Variants in EVA1C observed in about 807,000 individuals in gnomAD.
EVA1C encodes protein eva-1 homolog C.
Under a neutral mutation model 45.4 loss-of-function variants are expected in EVA1C, and 25 were observed. The observed-to-expected ratio is 0.55, with a 90% CI of 0.40 to 0.77. EVA1C has a LOEUF of 0.77. Among genes scored for constraint, EVA1C ranks in the 30% least tolerant of loss-of-function variants. EVA1C has a pLI of 0.00. For synonymous variants in EVA1C, 190 were observed against 221.2 expected, an observed-to-expected ratio of 0.86 and a Z score of 1.25; for missense variants, 479 against 554.8, an observed-to-expected ratio of 0.86 and a Z score of 1.37.
At chr21:32,422,235 T>C (rs1030293082) in intron 1 of EVA1C, among the ~76,000 whole-genome samples, 20 of 152,016 alleles carry the variant, frequency 1.3e-4, no homozygotes, top group African/African-American at 4.4e-4. Flanking sequence ...AGATTAGGTA[T>C]AGCTGAAGAG....
intron 1 of EVA1C, among the ~76,000 whole-genome samples, chr21:32,446,620 G>A (rs1426218135): frequency 6.6e-6 from 1 of 152,222 alleles, no homozygotes; most frequent in Non-Finnish European, 1.5e-5. Context: ...TACCGGGAAA[G>A]CAGCATGCCG....
At chr21:32,412,377 G>T (rs1213293103), upstream of EVA1C, 1 of 152,244 alleles carries the variant, frequency 6.6e-6, no homozygotes, top group Non-Finnish European at 1.5e-5. Flanking sequence ...TCCTTCTGCC[G>T]CCAGGGCGAG....
At chr21:32,437,132 C>A (rs139189150) in intron 1 of EVA1C, among the ~76,000 whole-genome samples, 77 of 152,300 alleles carry the variant, frequency 5.1e-4, no homozygotes, top group African/African-American at 1.4e-3. Context: ...TGCACTCCAG[C>A]CTGGGCGACA....
chr21:32,481,849 T>C (rs1198142512), intron 4 of EVA1C, among the ~76,000 whole-genome samples: 1 of 152,198 alleles, frequency 6.6e-6, no homozygotes, highest in East Asian at 1.9e-4. Flanking sequence ...TCTTTTTTTA[T>C]TTCCTATATG....
chr21:32,434,097 C>T (rs1172212882), intron 1 of EVA1C, among the ~76,000 whole-genome samples: 4 of 151,760 alleles, frequency 2.6e-5, no homozygotes, highest in Non-Finnish European at 5.9e-5. Context: ...GAGTTCAAGA[C>T]CAGCCTGGCC....
At chr21:32,475,879 TTATCTATCTATC>T (rs10661334) in intron 4 of EVA1C, among the ~76,000 whole-genome samples, 59 of 100,536 alleles carry the variant, frequency 5.9e-4, no homozygotes, top group Admixed American at 1.1e-3. Context: ...TCTAAAAACT[TTATCTATCTATC>T]TATCTATCTA....
chr21:32,453,818 A>G (rs1024395606), intron 2 of EVA1C, among the ~76,000 whole-genome samples: 7 of 152,202 alleles, frequency 4.6e-5, no homozygotes, highest in African/African-American at 1.7e-4. Flanking sequence ...ATGGATTCCA[A>G]CCTCCAGGCC....
chr21:32,495,619 T>C (rs903159217), intron 5 of EVA1C, among the ~76,000 whole-genome samples: 2 of 152,250 alleles, frequency 1.3e-5, no homozygotes, highest in Admixed American at 6.5e-5. Context: ...CTATTTTATC[T>C]ACATGCCCAC....
intron 4 of EVA1C, among the ~76,000 whole-genome samples, chr21:32,487,996 T>C (rs1174286059): frequency 1.3e-5 from 2 of 152,132 alleles, no homozygotes; most frequent in Non-Finnish European, 2.9e-5. Context: ...GGTAGTCTTG[T>C]GGGACTGGGC....
intron 7 of EVA1C, among the ~76,000 whole-genome samples, chr21:32,513,739 C>A (rs923750010): frequency 1.3e-5 from 2 of 151,502 alleles, no homozygotes; most frequent in Non-Finnish European, 2.9e-5. Context: ...TGGGGTTTCA[C>A]CATGTTGCCC....
chr21:32,470,325 G>A (rs2036324113), intron 4 of EVA1C, among the ~76,000 whole-genome samples: 1 of 152,214 alleles, frequency 6.6e-6, no homozygotes, highest in South Asian at 2.1e-4. Flanking sequence ...CGTATTCCGG[G>A]AAGGCCCTTG....
chr21:32,418,247 G>A (rs773931563), intron 1 of EVA1C, among the ~76,000 whole-genome samples: 7 of 152,104 alleles, frequency 4.6e-5, no homozygotes, highest in Admixed American at 1.3e-4. Context: ...AAGCCAGCTC[G>A]TAACTAAAGA....
chr21:32,426,941 A>T (rs2034511248), intron 1 of EVA1C, among the ~76,000 whole-genome samples: 1 of 152,166 alleles, frequency 6.6e-6, no homozygotes, highest in Non-Finnish European at 1.5e-5. Flanking sequence ...CTGAATTTCC[A>T]AGCATTTTAA....
Position 32,479,471 on chromosome 21 carries a change from A to T in EVA1C, c.634+11623A>T, listed in dbSNP as rs149418718. On this transcript the variant is annotated intron_variant, in intron 4 of 7. Transcript: ENST00000300255. ...AAAGAAGCAGCAGAAGGTGCAAATA[A>T]AATCAGCCTTGGAGGGAAATAACCA... 3.2e-3 allele frequency among the ~76,000 whole-genome samples: 485 copies of T among 152,162 alleles called. 5 individuals carry two copies. Among genetic ancestry groups the T allele is most frequent in the African/African-American group, 0.011 (439 of 41,498 alleles).
chr21:32,432,294 A>G (rs564705342), intron 1 of EVA1C, among the ~76,000 whole-genome samples: 1 of 152,276 alleles, frequency 6.6e-6, no homozygotes, highest in Non-Finnish European at 1.5e-5. Context: ...TTTATATTGC[A>G]GAAGCCGTCA....
At chr21:32,458,990 C>G (rs996153349) in intron 3 of EVA1C, among the ~76,000 whole-genome samples, 1 of 152,086 alleles carries the variant, frequency 6.6e-6, no homozygotes, top group African/African-American at 2.4e-5. Context: ...AGCAGATATG[C>G]AGGCTTCTGT....
Position 32,500,630 on chromosome 21 carries a change from C to A in EVA1C, c.779-785C>A, listed in dbSNP as rs560774522. Among the ~76,000 whole-genome samples, 4 of 151,484 alleles carry A rather than the reference C, an allele frequency of 2.6e-5. No homozygotes were observed. The East Asian group carries it at 7.8e-4, about 30-fold the overall frequency. The stretch of plus-strand genomic sequence containing the variant: ...ATTTGCCGTCACTGCCCCATTCCCA[C>A]CCCCCCGGTCCCAGATAACCACGCA... On this transcript the variant is annotated intron_variant, in intron 5 of 7. Coordinates refer to ENST00000300255, the MANE Select transcript of EVA1C (RefSeq NM_058187.5).
intron 3 of EVA1C, among the ~76,000 whole-genome samples, chr21:32,461,625 T>TA (rs1462353291): frequency 3.9e-5 from 6 of 152,232 alleles, no homozygotes; most frequent in Non-Finnish European, 8.8e-5. Flanking sequence ...GCACATGTCT[T>TA]ACCAGCTCTG....
At chr21:32,484,923 C>T (rs2036919867) in intron 4 of EVA1C, among the ~76,000 whole-genome samples, 1 of 152,150 alleles carries the variant, frequency 6.6e-6, no homozygotes, top group Admixed American at 6.5e-5. Flanking sequence ...TGCCAGACCA[C>T]AGAAACTTCC....
Sources: allele counts gnomAD v4.1 joint callset (sites outside exome capture counted in the v4.1 genomes callset), GRCh38; gene constraint gnomAD v4.1.1; transcripts MANE v1.5; gene names NCBI Gene and HGNC (gene_info 2026-07-23, HGNC 2026-07-21).